ADAD1: variants seen among roughly 807,000 people sequenced by gnomAD.
The protein encoded by ADAD1 is adenosine deaminase domain containing 1, also known as adenosine deaminase domain-containing protein 1.
ADAD1 carries 46 observed loss-of-function variants against 66.8 expected under a neutral mutation model. The observed-to-expected ratio is 0.69, with a 90% confidence interval of 0.54 to 0.88. The LOEUF is 0.88. Ranked by LOEUF, ADAD1 falls within the 40% of genes least tolerant of loss-of-function variation. The probability of loss-of-function intolerance (pLI) is 0.00; values close to 1 mark genes in which losing one functional copy is unlikely to be tolerated. For missense variants in ADAD1, 617 were observed against 681.8 expected (o/e 0.91, Z 1.06); for synonymous variants, 248 against 229.4 (o/e 1.08, Z -0.73).
Position 122,383,801 on chromosome 4 carries a change from A to G in ADAD1, c.364A>G (p.Asn122Asp), listed in dbSNP as rs1165099447. The change falls in exon 5 of 13, where the codon AAT becomes GAT. Residue 122 changes from asparagine (N) to aspartate (D), a missense_variant and splice_region_variant. Physicochemically the swap from Asn to Asp is conservative, Grantham distance 23. Transcript: ENST00000296513. The stretch of plus-strand genomic sequence containing the variant: ...TTCATTCTGAGTTCTTTTTCAAGGT[A>G]ATGTTATGGGACCATATTTTGCCTT... Reference protein sequence around the residue: ...LDLKETVTTGNVMGPYFAFCA... With the variant: ...LDLKETVTTGDVMGPYFAFCA... 6.3e-7 allele frequency: 1 copy of G among 1,585,742 alleles called. No homozygotes were observed. The highest frequency in any genetic ancestry group is 1.9e-5 in the Admixed American group (1 of 52,482).
chr4:122,400,332 A>G (rs910976180), intron 7 of ADAD1, among the ~76,000 whole-genome samples: 19 of 152,164 alleles, frequency 1.2e-4, no homozygotes, highest in Admixed American at 9.8e-4. Flanking sequence ...ATGTTAAACC[A>G]TCCCTACATC....
Position 122,421,307 on chromosome 4 carries a change from G to T in ADAD1, c.1534G>T (p.Ala512Ser). Residue 512 changes from alanine (A) to serine (S), a missense_variant, in exon 12 of 13, where the codon GCT (alanine) becomes TCT (serine). Coordinates refer to ENST00000296513, the MANE Select transcript of ADAD1 (RefSeq NM_139243.4). ...GTCAATGGCAAGTCGGCTTTGTAAG[G>T]CTGCAATGTTAAGTCGGTTTAACCT... ...GMSMASRLCK[A>S]AMLSRFNLLA... 6.2e-7 allele frequency: 1 copy of T among 1,605,594 alleles called. No individual in the cohort carries two copies. The highest frequency in any genetic ancestry group is 2.2e-5 in the East Asian group (1 of 44,692).
intron 5 of ADAD1, among the ~76,000 whole-genome samples, chr4:122,388,181 G>A (rs1164628319): frequency 6.6e-6 from 1 of 152,192 alleles, no homozygotes; most frequent in Non-Finnish European, 1.5e-5. Context: ...ATTGATTTGT[G>A]TATGTTGAAC....
chr4:122,399,647 T>C (rs911964934), intron 7 of ADAD1, among the ~76,000 whole-genome samples: 4 of 152,100 alleles, frequency 2.6e-5, no homozygotes, highest in African/African-American at 9.7e-5. Flanking sequence ...TCCATTTGTT[T>C]CTGTCATCTG....
intron 9 of ADAD1, 98 bp from the exon 10 acceptor site, chr4:122,412,482 G>A (rs1433880081): frequency 2.1e-6 from 2 of 953,596 alleles, no homozygotes; most frequent in East Asian, 2.4e-5. Context: ...ATGTACACTG[G>A]GAAGTTAAAC....
chr4:122,390,504 A>T (rs186342405), intron 5 of ADAD1, among the ~76,000 whole-genome samples: 1 of 152,204 alleles, frequency 6.6e-6, no homozygotes, highest in African/African-American at 2.4e-5. Context: ...CCAGTCAATC[A>T]TAGGTTTGGT....
intron 7 of ADAD1, among the ~76,000 whole-genome samples, chr4:122,406,167 T>A (rs903975171): frequency 2.0e-5 from 3 of 152,310 alleles, no homozygotes; most frequent in East Asian, 3.9e-4. Flanking sequence ...TTTTCCACAA[T>A]GCCTATAAAA....
intron 11 of ADAD1, among the ~76,000 whole-genome samples, chr4:122,420,077 C>T (rs1796933143): frequency 1.3e-5 from 2 of 152,068 alleles, no homozygotes; most frequent in Non-Finnish European, 2.9e-5. Context: ...GAAGGAGCTA[C>T]AATTATCACT....
chr4:122,422,956 T>TAAAAAAAAAAAAAAAAAAA (rs537676034), intron 12 of ADAD1, among the ~76,000 whole-genome samples: 1 of 97,194 alleles, frequency 1.0e-5, no homozygotes, highest in African/African-American at 4.1e-5. Context: ...TATTTCTCTT[T>TAAAAAAAAAAAAAAAAAAA]AAAAAAAAAA....
rs544531149 is a variant in ADAD1 at position 122,405,473 on chromosome 4, G to T, written c.725-2435G>T. Among the ~76,000 whole-genome samples the T allele has an allele frequency of 4.6e-5, 7 of 152,184 alleles. No homozygotes were observed. The East Asian group carries it at 1.3e-3, about 29-fold the overall frequency. The stretch of plus-strand genomic sequence containing the variant: ...AGCCTTGCCAAGGTACCCACTGCCT[G>T]CATGTTGCACAATCCAGTGGATTTT... On this transcript the variant is annotated intron_variant, in intron 7 of 12. Coordinates refer to ENST00000296513, the MANE Select transcript of ADAD1 (RefSeq NM_139243.4).
At chr4:122,402,028 A>G (rs1190447482) in intron 7 of ADAD1, among the ~76,000 whole-genome samples, 3 of 151,236 alleles carry the variant, frequency 2.0e-5, no homozygotes, top group Non-Finnish European at 2.9e-5. Context: ...TCTATTCATC[A>G]TAGTAGTTGT....
intron 9 of ADAD1, 42 bp downstream of exon 9, chr4:122,411,434 C>T (rs1391050035): frequency 1.3e-6 from 2 of 1,534,578 alleles, no homozygotes; most frequent in South Asian, 2.4e-5. Context: ...AGTAGGATGG[C>T]CATGCCATAC....
intron 7 of ADAD1, among the ~76,000 whole-genome samples, chr4:122,397,589 G>T (rs947747740): frequency 6.6e-6 from 1 of 152,150 alleles, no homozygotes; most frequent in Admixed American, 6.5e-5. Flanking sequence ...TTAAAAGATT[G>T]CAGGGGTTGA....
chr4:122,382,850 GT>G (rs1794970724), intron 4 of ADAD1, among the ~76,000 whole-genome samples: 1 of 152,208 alleles, frequency 6.6e-6, no homozygotes, highest in African/African-American at 2.4e-5. Flanking sequence ...AGTCTGAGAT[GT>G]TATGGGGAAA....
intron 5 of ADAD1, among the ~76,000 whole-genome samples, chr4:122,386,015 G>A (rs1403368367): frequency 6.6e-6 from 1 of 152,128 alleles, no homozygotes; most frequent in East Asian, 1.9e-4. Flanking sequence ...GTGTGCATGT[G>A]TCTTTATAGT....
intron 7 of ADAD1, among the ~76,000 whole-genome samples, chr4:122,406,938 T>A (rs1796240268): frequency 6.6e-6 from 1 of 152,138 alleles, no homozygotes; most frequent in African/African-American, 2.4e-5. Flanking sequence ...ACTTTGGGGT[T>A]GGTTTAATCT....
intron 8 of ADAD1, among the ~76,000 whole-genome samples, chr4:122,410,636 T>C (rs1399609542): frequency 6.6e-6 from 1 of 152,204 alleles, no homozygotes; most frequent in East Asian, 1.9e-4. Flanking sequence ...CATTTCTTTG[T>C]GTTAGGAGCA....
At chr4:122,382,303 G>GA (rs1794935480) in intron 4 of ADAD1, among the ~76,000 whole-genome samples, 1 of 152,184 alleles carries the variant, frequency 6.6e-6, no homozygotes, top group Non-Finnish European at 1.5e-5. Context: ...AATCCAGTGT[G>GA]TTTGGTAGTG....
At chr4:122,417,731 A>C (rs1021520218) in intron 11 of ADAD1, among the ~76,000 whole-genome samples, 1 of 152,236 alleles carries the variant, frequency 6.6e-6, no homozygotes. Context: ...ATAGAACACT[A>C]ACAAAAAGCT....
Sources: gnomAD v4.1 joint callset for allele counts (sites outside exome capture counted in the v4.1 genomes callset) on GRCh38, gnomAD v4.1.1 for gene constraint, MANE v1.5 for transcripts, NCBI Gene and HGNC (gene_info 2026-07-23, HGNC 2026-07-21) for gene names.